The following PLXNA4 variants were observed in gnomAD, a reference collection of about 807,000 sequenced individuals.
PLXNA4 encodes the protein plexin-A4.
In PLXNA4, 44 loss-of-function variants were observed where a neutral mutation model predicts 191.8. The observed-to-expected ratio is 0.23, with a 90% confidence interval of 0.18 to 0.29. The LOEUF is 0.29. Among genes scored for constraint, PLXNA4 ranks in the 10% least tolerant of loss-of-function variants. PLXNA4 has a pLI of 1.00. For missense variants in PLXNA4, 1,800 were observed against 2,488.8 expected (o/e 0.72, Z 5.89); for synonymous variants, 1,082 against 1,009.5 (o/e 1.07, Z -1.36).
At position 132,603,302 on chromosome 7, in the gene PLXNA4, C is replaced by T. The variant is rs79797697; in HGVS notation, c.-87+42626G>A. On this transcript the variant is annotated intron_variant, in intron 2 of 4. Coordinates refer to the PLXNA4 transcript ENST00000378539. ...GATTAAGGTGGAATTAATTCCACCC[C>T]GGGAAGAGAGGAGCCGAGCTGCTTC... Among the ~76,000 whole-genome samples, 689 of 145,592 alleles carry T rather than the reference C, an allele frequency of 4.7e-3. 10 individuals carry two copies. Among genetic ancestry groups the T allele is most frequent in the African/African-American group, 0.017 (660 of 39,996 alleles).
rs760250459 is a variant in PLXNA4, at chr7:132,489,283, C to A, written c.1371+9G>T. On this transcript the variant is annotated intron_variant, in intron 3 of 31. Transcript: ENST00000321063. ...CACAGTAACCAAAAGTACTGCACCT[C>A]ATTCCTACCTTCTTCAGCTTGCCAC... 1.3e-6 allele frequency: 2 copies of A among 1,579,752 alleles called. No individual in the cohort carries two copies. The highest frequency in any genetic ancestry group is 1.1e-5 in the South Asian group (1 of 89,596).
intron 4 of PLXNA4, 41 bp downstream of exon 4, chr7:132,298,050 A>C (rs1235542316): frequency 6.2e-7 from 1 of 1,613,352 alleles, no homozygotes; most frequent in Admixed American, 1.7e-5. Flanking sequence ...GCTAGTATTT[A>C]ACTGCAAGAC....
At position 132,524,803 on chromosome 7, in the gene PLXNA4, G is replaced by A. The variant is rs147624609; in HGVS notation, c.-86-16024C>T. On this transcript the variant is annotated intron_variant, in intron 1 of 31. Transcript: ENST00000321063. ...AGGATGGTATCGATCTCCTGACCTC[G>A]TGATCCACCCGCCTCGGCCTCCCAA... 4.2e-3 allele frequency among the ~76,000 whole-genome samples: 644 copies of A among 152,160 alleles called. 3 individuals carry two copies. Among genetic ancestry groups the A allele is most frequent in the Non-Finnish European group, 6.3e-3 (430 of 68,000 alleles).
chr7:132,230,739 A>G (rs1460023614), intron 5 of PLXNA4, among the ~76,000 whole-genome samples: 1 of 152,246 alleles, frequency 6.6e-6, no homozygotes, highest in African/African-American at 2.4e-5. Context: ...GCAGACCCAG[A>G]GAGCTGGTAC....
intron 2 of PLXNA4, among the ~76,000 whole-genome samples, chr7:132,604,515 AAATAG>A (rs1217036817): frequency 1.3e-5 from 2 of 152,188 alleles, no homozygotes; most frequent in African/African-American, 4.8e-5. Context: ...TCGTTACATG[AAATAG>A]AAAAGAGTCT....
Position 132,625,648 on chromosome 7 carries a change from A to C in PLXNA4, c.-87+20280T>G, listed in dbSNP as rs114375886. Among the ~76,000 whole-genome samples the C allele has an allele frequency of 5.7e-3, 867 of 152,282 alleles. 10 individuals are homozygous for C. The highest frequency in any genetic ancestry group is 0.019 in the African/African-American group (788 of 41,546). On this transcript the variant is annotated intron_variant, in intron 2 of 4. Transcript: ENST00000378539. ...CCGTTCATCCTCATGCATTTGGCAC[A>C]TGTGTACCAGCACTGTGCTGAGTGC... is the stretch of plus-strand genomic sequence containing the variant.
chr7:132,563,114 CCTCCTCCTT>C (rs1801391266), intron 1 of PLXNA4, among the ~76,000 whole-genome samples: 2 of 108,394 alleles, frequency 1.8e-5, no homozygotes, highest in East Asian at 3.4e-4. Flanking sequence ...TCCTCTCCCT[CCTCCTCCTT>C]CTCCTCCTCC....
chr7:132,474,739 C>T (rs1427105503), intron 3 of PLXNA4, among the ~76,000 whole-genome samples: 1 of 152,204 alleles, frequency 6.6e-6, no homozygotes, highest in Non-Finnish European at 1.5e-5. Flanking sequence ...CCTCTGGAGA[C>T]CTTCCCCTCC....
At chr7:132,427,526 A>G (rs1795092777) in intron 3 of PLXNA4, among the ~76,000 whole-genome samples, 1 of 152,076 alleles carries the variant, frequency 6.6e-6, no homozygotes, top group East Asian at 1.9e-4. Flanking sequence ...GGGGGCCCTC[A>G]CCTCCACCCC....
intron 1 of PLXNA4, among the ~76,000 whole-genome samples, chr7:132,565,940 T>C (rs191039214): frequency 3.9e-5 from 6 of 152,314 alleles, no homozygotes; most frequent in Admixed American, 3.3e-4. Context: ...TGCTTCATCA[T>C]AGCAAGATAT....
intron 1 of PLXNA4, among the ~76,000 whole-genome samples, chr7:132,566,252 AC>A (rs1337771269): frequency 6.6e-6 from 1 of 151,818 alleles, no homozygotes; most frequent in East Asian, 1.9e-4. Context: ...CTGAGAGGGT[AC>A]CCCCTTTTAC....
intron 29 of PLXNA4, among the ~76,000 whole-genome samples, chr7:132,143,995 A>T (rs6974954): frequency 0.036 from 5,507 of 152,258 alleles, 172 homozygotes; most frequent in African/African-American, 0.081. Context: ...TACATTGAAT[A>T]CAGTTTTGGT....
chr7:132,606,612 G>C (rs1251112022), intron 2 of PLXNA4, among the ~76,000 whole-genome samples: 15 of 152,134 alleles, frequency 9.9e-5, no homozygotes. Flanking sequence ...TCCATCAATT[G>C]CATTGGAACA....
At chr7:132,264,089 C>A (rs1288513581) in intron 4 of PLXNA4, 1 of 152,026 alleles carries the variant, frequency 6.6e-6, no homozygotes, top group African/African-American at 2.4e-5. Context: ...CCGCTGCACT[C>A]AGATACAAGA....
intron 4 of PLXNA4, among the ~76,000 whole-genome samples, chr7:132,263,886 A>C (rs917894995): frequency 5.9e-5 from 9 of 152,320 alleles, no homozygotes; most frequent in Admixed American, 5.9e-4. Context: ...GATCCATGGC[A>C]TCATTTCATT....
chr7:132,410,391 G>A (rs185780787), intron 3 of PLXNA4, among the ~76,000 whole-genome samples: 82 of 152,312 alleles, frequency 5.4e-4, no homozygotes, highest in South Asian at 1.0e-3. Flanking sequence ...CTTCGCCCAT[G>A]AGGAGAAGGA....
chr7:132,441,100 C>T (rs943606098), intron 3 of PLXNA4, among the ~76,000 whole-genome samples: 1 of 152,030 alleles, frequency 6.6e-6, no homozygotes, highest in Non-Finnish European at 1.5e-5. Context: ...AACAGTAGAC[C>T]CTGGGTCCCT....
chr7:132,468,043 C>T (rs969153680), intron 3 of PLXNA4, among the ~76,000 whole-genome samples: 83 of 152,318 alleles, frequency 5.4e-4, no homozygotes, highest in African/African-American at 1.9e-3. Context: ...CATCTGGCTG[C>T]ACTCCTCAAT....
At chr7:132,577,760 T>C (rs141093920), upstream of PLXNA4, among the ~76,000 whole-genome samples, 2 of 152,146 alleles carry the variant, frequency 1.3e-5, no homozygotes, top group Non-Finnish European at 2.9e-5. Context: ...CTCTGGGCGC[T>C]GGCCGTCGGA....
Sources: gnomAD v4.1 joint callset for allele counts (sites outside exome capture counted in the v4.1 genomes callset) on GRCh38, gnomAD v4.1.1 for gene constraint, MANE v1.5 for transcripts, NCBI Gene and HGNC (gene_info 2026-07-23, HGNC 2026-07-21) for gene names.